Variants in DENND1A observed in about 807,000 individuals in gnomAD.
The protein encoded by DENND1A is DENN domain-containing protein 1A.
In DENND1A, 51 loss-of-function variants were observed where a neutral mutation model predicts 113.7. The observed-to-expected ratio is 0.45, with a 90% CI of 0.36 to 0.57. The LOEUF is 0.57. DENND1A is among the 20% of genes least tolerant of loss of function. The probability of loss-of-function intolerance (pLI) is 0.00; values close to 1 mark genes in which losing one functional copy is unlikely to be tolerated. For missense variants in DENND1A, 1,258 were observed against 1,395.9 expected (o/e 0.90, Z 1.57); for synonymous variants, 565 against 570.8 (o/e 0.99, Z 0.14).
chr9:123,927,911 C>T (rs1857373752), intron 1 of DENND1A, among the ~76,000 whole-genome samples: 1 of 152,302 alleles, frequency 6.6e-6, no homozygotes, highest in South Asian at 2.1e-4. Context: ...CTGTCCATCC[C>T]CATTCCTAGC....
intron 11 of DENND1A, among the ~76,000 whole-genome samples, chr9:123,584,654 T>C (rs2059078109): frequency 6.6e-6 from 1 of 152,198 alleles, no homozygotes; most frequent in South Asian, 2.1e-4. Flanking sequence ...GAAGTGGATG[T>C]TATTGCCCTC....
At chr9:123,718,581 T>A (rs1309871631) in intron 5 of DENND1A, among the ~76,000 whole-genome samples, 1 of 152,198 alleles carries the variant, frequency 6.6e-6, no homozygotes, top group Non-Finnish European at 1.5e-5. Context: ...CAGCCTCCTG[T>A]AGATTCACAG....
In DENND1A at chr9:123,424,386, C is replaced by T. The variant is rs183357098; in HGVS notation, c.1489-12557G>A. On this transcript the variant is annotated intron_variant, in intron 19 of 23. Coordinates refer to ENST00000394215, the MANE Select transcript of DENND1A (RefSeq NM_001352964.2). The stretch of plus-strand genomic sequence containing the variant: ...TTCCCACGCAGGACATCCGGCTGCC[C>T]GCCAAGTTGTGTCCTTTGGGTCTCC... Among the ~76,000 whole-genome samples, 428 of 152,302 alleles carry T rather than the reference C, an allele frequency of 2.8e-3. 5 individuals carry two copies. Among genetic ancestry groups the T allele is most frequent in the Non-Finnish European group, 2.1e-3 (142 of 68,024 alleles).
intron 15 of DENND1A, 35 bp downstream of exon 15, chr9:123,457,313 C>T: frequency 6.5e-7 from 1 of 1,542,232 alleles, no homozygotes. Flanking sequence ...TGATAGCAGC[C>T]TGCAGCCCCG....
chr9:123,627,309 G>A (rs954616246), intron 10 of DENND1A, among the ~76,000 whole-genome samples: 2 of 152,214 alleles, frequency 1.3e-5, no homozygotes, highest in African/African-American at 2.4e-5. Flanking sequence ...GAGCAGTTCT[G>A]GCCTGTCTAT....
chr9:123,709,011 T>C (rs182345071), intron 5 of DENND1A, among the ~76,000 whole-genome samples: 3 of 152,234 alleles, frequency 2.0e-5, no homozygotes, highest in Admixed American at 2.0e-4. Flanking sequence ...TGGCTATCAG[T>C]AGGCTGCCTA....
intron 2 of DENND1A, among the ~76,000 whole-genome samples, chr9:123,859,389 C>T (rs1446225034): frequency 1.3e-5 from 2 of 151,416 alleles, no homozygotes; most frequent in Non-Finnish European, 2.9e-5. Context: ...TTTCTATTTA[C>T]TACACATTAT....
At chr9:123,903,289 G>A (rs1339627424) in intron 1 of DENND1A, among the ~76,000 whole-genome samples, 8 of 120,994 alleles carry the variant, frequency 6.6e-5, no homozygotes, top group South Asian at 2.8e-4. Context: ...CCGAGATCCC[G>A]CCACTGCACT....
At chr9:123,715,052 G>A (rs1405765510) in intron 5 of DENND1A, among the ~76,000 whole-genome samples, 8 of 151,752 alleles carry the variant, frequency 5.3e-5, no homozygotes, top group African/African-American at 1.2e-4. Flanking sequence ...GCATGGTGGC[G>A]GGCACCTGTA....
chr9:123,667,605 G>A (rs2063554092), intron 7 of DENND1A, among the ~76,000 whole-genome samples: 1 of 152,132 alleles, frequency 6.6e-6, no homozygotes. Flanking sequence ...CGACAAGAAT[G>A]AAACTCTGTC....
chr9:123,630,346 A>C, intron 10 of DENND1A, 30 bp downstream of exon 10: 15 of 1,531,170 alleles, frequency 9.8e-6, no homozygotes, highest in Non-Finnish European at 1.3e-5. Flanking sequence ...AGGGCAAAGG[A>C]GAAGCAGAGG....
chr9:123,828,470 A>ATTTG lies in DENND1A; in HGVS notation c.89-35841_89-35840insCAAA, dbSNP rs1486230534. On this transcript the variant is annotated intron_variant, in intron 2 of 23. Transcript: ENST00000394215. ...TAGAAAGAGAATTGGCTTACAAGAA[A>ATTTG]TAATAAGTAATGTTAAGAAATACCC... Among the ~76,000 whole-genome samples, 72 of 152,210 alleles carry ATTTG rather than the reference A, an allele frequency of 4.7e-4. 1 individual carries two copies. The highest frequency in any genetic ancestry group is 1.6e-3 in the African/African-American group (65 of 41,550).
At position 123,428,262 on chromosome 9, in the gene DENND1A, A is replaced by C. The variant is rs146785922; in HGVS notation, c.1488+12098T>G. Among the ~76,000 whole-genome samples the C allele has an allele frequency of 9.3e-3, 1,413 of 152,330 alleles. 23 individuals are homozygous for C. Among genetic ancestry groups the C allele is most frequent in the African/African-American group, 0.033 (1,358 of 41,574 alleles). On this transcript the variant is annotated intron_variant, in intron 19 of 23. Coordinates refer to ENST00000394215, the MANE Select transcript of DENND1A (RefSeq NM_001352964.2). The stretch of plus-strand genomic sequence containing the variant: ...GTGGTTCAACATACACAAATCAATA[A>C]ATGTAATTCATCACATAAACAGAAC...
At chr9:123,817,694 A>T (rs2132549212) in intron 2 of DENND1A, among the ~76,000 whole-genome samples, 1 of 152,338 alleles carries the variant, frequency 6.6e-6, no homozygotes, top group Admixed American at 6.5e-5. Context: ...AATGTGTACT[A>T]ACCCTTTGAC....
At chr9:123,732,451 A>G (rs977887504) in intron 5 of DENND1A, among the ~76,000 whole-genome samples, 4 of 152,226 alleles carry the variant, frequency 2.6e-5, no homozygotes, top group Non-Finnish European at 4.4e-5. Context: ...AGGTAATACC[A>G]TATGATTACA....
Position 123,425,456 on chromosome 9 carries a change from G to A in DENND1A, c.1489-13627C>T, listed in dbSNP as rs140493012. Among the ~76,000 whole-genome samples, 19 of 152,374 alleles carry A rather than the reference G, an allele frequency of 1.2e-4. No individual in the cohort carries two copies. In the East Asian group the frequency reaches 2.7e-3, roughly 22 times the overall value. On this transcript the variant is annotated intron_variant, in intron 19 of 23. Coordinates refer to ENST00000394215, the MANE Select transcript of DENND1A (RefSeq NM_001352964.2). Reference sequence around the variant, plus strand: ...GCGCCGCGTGCGGGGATTCTAAAGCGCGTGCAGGCGCCGCAGAACAAGTCA... The same window carrying A: ...GCGCCGCGTGCGGGGATTCTAAAGCACGTGCAGGCGCCGCAGAACAAGTCA...
intron 5 of DENND1A, among the ~76,000 whole-genome samples, chr9:123,723,949 A>C (rs1589816037): frequency 6.6e-6 from 1 of 152,230 alleles, no homozygotes; most frequent in East Asian, 1.9e-4. Context: ...ATAATGCAGT[A>C]GATGTTGACT....
intron 11 of DENND1A, among the ~76,000 whole-genome samples, chr9:123,587,766 T>C (rs1028826712): frequency 5.9e-5 from 9 of 152,208 alleles, no homozygotes; most frequent in African/African-American, 2.2e-4. Context: ...TGCAATTTTG[T>C]ATTTACAATA....
At chr9:123,570,457 T>G (rs953449189) in intron 12 of DENND1A, among the ~76,000 whole-genome samples, 1 of 152,008 alleles carries the variant, frequency 6.6e-6, no homozygotes, top group South Asian at 2.1e-4. Context: ...AGGTTTTCAG[T>G]TGGGGAGTGG....
Sources: gnomAD v4.1 joint callset for allele counts (sites outside exome capture counted in the v4.1 genomes callset) on GRCh38, gnomAD v4.1.1 for gene constraint, MANE v1.5 for transcripts, NCBI Gene and HGNC (gene_info 2026-07-23, HGNC 2026-07-21) for gene names.